Variants in DCT observed in about 807,000 individuals in gnomAD.
DCT encodes dopachrome tautomerase.
In DCT, 47 loss-of-function variants were observed where a neutral mutation model predicts 53.0. The observed-to-expected ratio is 0.89, with a 90% CI of 0.70 to 1.13. The LOEUF is 1.13. Among genes scored for constraint, DCT ranks in the 50% most tolerant of loss-of-function variants. The pLI is 0.00. For missense variants in DCT, 669 were observed against 637.4 expected, an observed-to-expected ratio of 1.05 and a Z score of -0.53; for synonymous variants, 244 against 237.0, an observed-to-expected ratio of 1.03 and a Z score of -0.27.
chr13:94,532,559 T>A, the DCT span, among the ~76,000 whole-genome samples: 3 of 152,118 alleles, frequency 2.0e-5, no homozygotes, highest in African/African-American at 7.2e-5. Context: ...CACCACATGT[T>A]CTCACTCATA....
At chr13:94,509,423 C>T in the DCT span, among the ~76,000 whole-genome samples, 1 of 151,766 alleles carries the variant, frequency 6.6e-6, no homozygotes, top group Non-Finnish European at 1.5e-5. Context: ...CCATCACCCC[C>T]TCCCCACACA....
At chr13:94,463,883 G>T (rs1033465563) in intron 4 of DCT, among the ~76,000 whole-genome samples, 5 of 152,306 alleles carry the variant, frequency 3.3e-5, no homozygotes, top group South Asian at 2.1e-4. Flanking sequence ...TCCCAAAGTG[G>T]ATTCCAATGG....
intron 2 of DCT, chr13:94,467,973 C>T (rs1268390961): frequency 6.6e-6 from 1 of 152,134 alleles, no homozygotes; most frequent in African/African-American, 2.4e-5. Context: ...AAGGACAAAG[C>T]TGAACCTACT....
At chr13:94,539,949 G>A in the DCT span, among the ~76,000 whole-genome samples, 1 of 152,100 alleles carries the variant, frequency 6.6e-6, no homozygotes, top group Admixed American at 6.6e-5. Context: ...ATATAGAAAT[G>A]TGTACATAGA....
chr13:94,482,355 T>C (rs1430977277), upstream of DCT, among the ~76,000 whole-genome samples: 1 of 152,234 alleles, frequency 6.6e-6, no homozygotes, highest in Non-Finnish European at 1.5e-5. Context: ...TATTCAAACA[T>C]GCCCCCATTC....
chr13:94,518,869 C>T, the DCT span, among the ~76,000 whole-genome samples: 2 of 152,198 alleles, frequency 1.3e-5, no homozygotes, highest in East Asian at 1.9e-4. Flanking sequence ...CTTCTCTCTT[C>T]GGCCTCATTT....
At chr13:94,488,491 G>A in the DCT span, among the ~76,000 whole-genome samples, 2 of 152,056 alleles carry the variant, frequency 1.3e-5, no homozygotes, top group Non-Finnish European at 2.9e-5. Context: ...GAAGCAGGAG[G>A]ATCACTTGAG....
the DCT span, among the ~76,000 whole-genome samples, chr13:94,498,533 G>A: frequency 1.3e-5 from 2 of 152,150 alleles, no homozygotes; most frequent in African/African-American, 4.8e-5. Flanking sequence ...CCAGGAAGAG[G>A]GCCTTCACCA....
At chr13:94,501,564 C>T in the DCT span, among the ~76,000 whole-genome samples, 1 of 152,072 alleles carries the variant, frequency 6.6e-6, no homozygotes, top group South Asian at 2.1e-4. Flanking sequence ...GCACCAGGCT[C>T]ACAAGGATGG....
At chr13:94,482,181 G>A (rs2139389229), upstream of DCT, among the ~76,000 whole-genome samples, 1 of 152,346 alleles carries the variant, frequency 6.6e-6, no homozygotes, top group South Asian at 2.1e-4. Context: ...AATGCAATGA[G>A]TCATGTGCAG....
chr13:94,523,099 CA>C, the DCT span, among the ~76,000 whole-genome samples: 1 of 152,198 alleles, frequency 6.6e-6, no homozygotes, highest in Non-Finnish European at 1.5e-5. Context: ...AAGAATGTCG[CA>C]GTTTCTACTG....
Position 94,438,506 on chromosome 13 carries a change from C to G in DCT, c.*1392G>C, listed in dbSNP as rs940363407. 2 of 440,500 alleles carry G rather than the reference C, an allele frequency of 4.5e-6. No individual in the cohort carries two copies. Among genetic ancestry groups the G allele is most frequent in the African/African-American group, 4.0e-5 (2 of 49,486 alleles). 27.3% of individuals were successfully genotyped at this position (440,500 alleles called of 1,614,324 possible). A position where few individuals can be genotyped will look rare whatever the true frequency, so the allele number is the denominator to read the frequency against. ...AGGACCCCTTATGTTGAAGGCAGCT[C>G]CAGGGACCTCTTAACACCCATTCTT... On this transcript the variant is annotated 3_prime_UTR_variant, in exon 8 of 8. Transcript: ENST00000377028.
intron 6 of DCT, 141 bp downstream of exon 6, chr13:94,459,950 A>G (rs769354463): frequency 7.4e-5 from 68 of 918,168 alleles, no homozygotes; most frequent in Admixed American, 3.0e-4. Flanking sequence ...TCCCTATGGT[A>G]TAGATTGAAA....
the DCT span, among the ~76,000 whole-genome samples, chr13:94,521,914 C>T: frequency 1.3e-5 from 2 of 152,274 alleles, no homozygotes; most frequent in Admixed American, 6.5e-5. Flanking sequence ...CCAATCCCTC[C>T]GTTTCTCCCA....
chr13:94,509,797 G>A, the DCT span, among the ~76,000 whole-genome samples: 1 of 152,172 alleles, frequency 6.6e-6, no homozygotes, highest in African/African-American at 2.4e-5. Flanking sequence ...TTAACACAGT[G>A]CCTGGCTTAT....
the DCT span, among the ~76,000 whole-genome samples, chr13:94,547,812 A>G: frequency 2.6e-5 from 4 of 151,482 alleles, no homozygotes; most frequent in Non-Finnish European, 4.4e-5. Context: ...CAACATAGCA[A>G]AAACCCATCT....
At chr13:94,481,309 G>A (rs1188985643), upstream of DCT, among the ~76,000 whole-genome samples, 1 of 152,138 alleles carries the variant, frequency 6.6e-6, no homozygotes, top group Non-Finnish European at 1.5e-5. Context: ...TATCTTTTGG[G>A]GAAGTCACCA....
the DCT span, among the ~76,000 whole-genome samples, chr13:94,507,140 A>T: frequency 2.6e-5 from 4 of 151,990 alleles, no homozygotes; most frequent in African/African-American, 9.7e-5. Context: ...GAAAAGGGAC[A>T]TTAGAAGGAA....
At position 94,462,044 on chromosome 13, in the gene DCT, G is replaced by T. The variant is rs2139328822; in HGVS notation, c.1009C>A (p.Pro337Thr). The T allele has an allele frequency of 6.2e-7, 1 of 1,613,268 alleles. No homozygotes were observed. The change falls in exon 5 of 8, where the codon CCT (proline) becomes ACT (threonine). Residue 337 changes from proline (P) to threonine (T), a missense_variant. Physicochemically the swap from Pro to Thr is conservative, Grantham distance 38 (BLOSUM62 -1). Transcript: ENST00000377028. ...DCLSLQKFDN[P>T]PFFQNSTFSF... The stretch of plus-strand genomic sequence containing the variant: ...AAGGTAGAGTTCTGGAAGAAGGGAG[G>T]ATTGTCAAACTTCTGGAGAGACAGG...
Sources: gnomAD v4.1 joint callset for allele counts (sites outside exome capture counted in the v4.1 genomes callset) on GRCh38, gnomAD v4.1.1 for gene constraint, MANE v1.5 for transcripts, NCBI Gene and HGNC (gene_info 2026-07-23, HGNC 2026-07-21) for gene names.